ADAMTSL1: variants seen among roughly 807,000 people sequenced by gnomAD.
ADAMTSL1 encodes ADAMTS like 1.
ADAMTSL1 carries 126 observed loss-of-function variants against 201.8 expected under a neutral mutation model. The observed-to-expected ratio is 0.62, with a 90% CI of 0.54 to 0.72. The LOEUF is 0.72. ADAMTSL1 is among the 30% of genes least tolerant of loss of function. The probability of loss-of-function intolerance (pLI) is 0.00; values close to 1 mark genes in which losing one functional copy is unlikely to be tolerated. For synonymous variants in ADAMTSL1, 1,121 were observed against 903.4 expected (o/e 1.24, Z -4.32); for missense variants, 2,679 against 2,277.8 (o/e 1.18, Z -3.59).
At chr9:18,199,769 G>C (rs4607717) in intron 2 of ADAMTSL1, among the ~76,000 whole-genome samples, 1 of 152,060 alleles carries the variant, frequency 6.6e-6, no homozygotes, top group Non-Finnish European at 1.5e-5. Context: ...TTTGGTACAG[G>C]ATGCAAGATT....
chr9:18,461,727 C>T (rs781724665), intron 2 of ADAMTSL1, among the ~76,000 whole-genome samples: 3 of 152,100 alleles, frequency 2.0e-5, no homozygotes, highest in Non-Finnish European at 4.4e-5. Context: ...GGTACTGAAC[C>T]ACAATAGTAG....
At chr9:18,095,416 C>CTTTTTTTTTTTTTTT (rs35164794) in intron 1 of ADAMTSL1, among the ~76,000 whole-genome samples, 30 of 100,126 alleles carry the variant, frequency 3.0e-4, no homozygotes, top group Non-Finnish European at 4.0e-4. Context: ...TTCTTTCTTT[C>CTTTTTTTTTTTTTTT]TTTTTTTTTT....
At chr9:18,273,150 G>A (rs972930118) in intron 2 of ADAMTSL1, among the ~76,000 whole-genome samples, 1 of 152,126 alleles carries the variant, frequency 6.6e-6, no homozygotes, top group Non-Finnish European at 1.5e-5. Flanking sequence ...TGTGATCTTG[G>A]CTCACTGCAA....
intron 2 of ADAMTSL1, among the ~76,000 whole-genome samples, chr9:18,532,878 C>G (rs184220371): frequency 1.3e-5 from 2 of 151,670 alleles, no homozygotes; most frequent in Admixed American, 6.6e-5. Flanking sequence ...TTTTCAAGAT[C>G]TAAGTTTTTC....
intron 3 of ADAMTSL1, among the ~76,000 whole-genome samples, chr9:18,536,927 GT>G (rs35417806): frequency 2.0e-5 from 3 of 151,822 alleles, no homozygotes; most frequent in Admixed American, 6.6e-5. Context: ...CTTATAAACT[GT>G]TTTTTTTGCA....
At chr9:18,364,893 A>G (rs1240575327) in intron 2 of ADAMTSL1, among the ~76,000 whole-genome samples, 1 of 152,054 alleles carries the variant, frequency 6.6e-6, no homozygotes, top group East Asian at 1.9e-4. Flanking sequence ...ATAACTCACT[A>G]TGCAGTACCA....
chr9:18,226,765 C>A (rs1437450479), intron 2 of ADAMTSL1, among the ~76,000 whole-genome samples: 1 of 151,990 alleles, frequency 6.6e-6, no homozygotes, highest in East Asian at 1.9e-4. Context: ...GTGCCTAGGG[C>A]CCATTATACT....
rs1403101234 is a variant in ADAMTSL1 at position 17,972,923 on chromosome 9, G to A, written c.87+66001G>A. On this transcript the variant is annotated intron_variant, in intron 1 of 29. Coordinates refer to the ADAMTSL1 transcript ENST00000680146. ...ATTTCTCTGATGGCCAGTGATGATGGGCATTTTTTCATGTGTTTTTTGGCT... is the reference window on the plus strand; with the variant it reads ...ATTTCTCTGATGGCCAGTGATGATGAGCATTTTTTCATGTGTTTTTTGGCT... Among the ~76,000 whole-genome samples the A allele has an allele frequency of 6.0e-3, 893 of 149,066 alleles. 34 individuals are homozygous for A. The highest frequency in any genetic ancestry group is 0.054 in the Admixed American group (779 of 14,458).
intron 15 of ADAMTSL1, among the ~76,000 whole-genome samples, chr9:18,747,382 C>T (rs563158484): frequency 1.3e-5 from 2 of 151,924 alleles, no homozygotes; most frequent in East Asian, 1.9e-4. Context: ...GAATGAGGCT[C>T]GGATCATGCA....
At chr9:18,378,069 C>A (rs1300497288) in intron 2 of ADAMTSL1, among the ~76,000 whole-genome samples, 1 of 152,164 alleles carries the variant, frequency 6.6e-6, no homozygotes, top group Non-Finnish European at 1.5e-5. Flanking sequence ...TGGGAAAAGG[C>A]ATCTTCTTTC....
chr9:18,128,413 A>T (rs1417595918), intron 1 of ADAMTSL1, among the ~76,000 whole-genome samples: 1 of 152,152 alleles, frequency 6.6e-6, no homozygotes, highest in Non-Finnish European at 1.5e-5. Context: ...CCCAGGCTGC[A>T]GCGTAGTGGT....
chr9:18,890,620 C>T (rs143653288), intron 25 of ADAMTSL1: 8,423 of 455,756 alleles, frequency 0.018, 343 homozygotes, highest in South Asian at 0.082. Flanking sequence ...TCATTAATAT[C>T]AGCAGTTTGA....
In ADAMTSL1 at chr9:18,813,394, A is replaced by C. The variant is rs563072360; in HGVS notation, c.3806-3715A>C. On this transcript the variant is annotated intron_variant, in intron 20 of 28. Transcript: ENST00000380548. The stretch of plus-strand genomic sequence containing the variant: ...TTGTATTTTCACAGGGATTGCACTG[A>C]ATCTGTAAATTGCTTTGTACAGTAT... 2.0e-5 allele frequency among the ~76,000 whole-genome samples: 3 copies of C among 152,338 alleles called. No individual in the cohort carries two copies. The East Asian group carries it at 5.8e-4, about 29-fold the overall frequency.
intron 13 of ADAMTSL1, among the ~76,000 whole-genome samples, chr9:18,702,785 C>T (rs560302632): frequency 5.3e-5 from 8 of 151,316 alleles, no homozygotes; most frequent in East Asian, 1.9e-4. Flanking sequence ...TTTTTCAAGC[C>T]GGAGTCTCAC....
chr9:18,757,290 C>CTCA (rs982247942), intron 16 of ADAMTSL1, among the ~76,000 whole-genome samples: 5 of 151,936 alleles, frequency 3.3e-5, no homozygotes, highest in Non-Finnish European at 7.4e-5. Flanking sequence ...ATTAAATACA[C>CTCA]TCATCATCAT....
chr9:18,458,124 A>T (rs903097784), intron 2 of ADAMTSL1, among the ~76,000 whole-genome samples: 4 of 152,180 alleles, frequency 2.6e-5, no homozygotes, highest in African/African-American at 9.7e-5. Flanking sequence ...TGCCCATAGG[A>T]TGTTCAGGAT....
Position 18,906,829 on chromosome 9 carries a change from A to G in ADAMTSL1, c.5099A>G (p.Asn1700Ser). The change falls in exon 28 of 29, where the codon AAC becomes AGC. Residue 1700 changes from asparagine to serine, a missense_variant. Coordinates refer to ENST00000380548, the MANE Select transcript of ADAMTSL1 (RefSeq NM_001040272.6). ...GTGGAGTGTGTGCATGCCCGCACCAACAAGGCAGTGCCTGAGCACCTGTGC... is the reference window on the plus strand; with the variant it reads ...GTGGAGTGTGTGCATGCCCGCACCAGCAAGGCAGTGCCTGAGCACCTGTGC... ...RRVECVHART[N>S]KAVPEHLCSW... 2 of 1,614,026 alleles carry G rather than the reference A, an allele frequency of 1.2e-6. No individual in the cohort carries two copies. Among genetic ancestry groups the G allele is most frequent in the Non-Finnish European group, 1.7e-6 (2 of 1,179,882 alleles).
chr9:18,890,176 C>T (rs1293265119), intron 25 of ADAMTSL1, among the ~76,000 whole-genome samples: 1 of 152,194 alleles, frequency 6.6e-6, no homozygotes, highest in Non-Finnish European at 1.5e-5. Context: ...CCTTAAATAC[C>T]CATGCTAATC....
intron 3 of ADAMTSL1, among the ~76,000 whole-genome samples, chr9:18,569,751 T>A (rs1186250557): frequency 1.3e-5 from 2 of 152,234 alleles, no homozygotes; most frequent in Non-Finnish European, 2.9e-5. Context: ...TGAGCCAAGT[T>A]CAGTGCAAAA....
Sources: allele counts gnomAD v4.1 joint callset (sites outside exome capture counted in the v4.1 genomes callset), GRCh38; gene constraint gnomAD v4.1.1; transcripts MANE v1.5; gene names NCBI Gene and HGNC (gene_info 2026-07-23, HGNC 2026-07-21).